The following LAPTM4B variants were observed in gnomAD, a reference collection of about 807,000 sequenced individuals.
LAPTM4B encodes the protein lysosomal protein transmembrane 4 beta, also known as lysosomal-associated transmembrane protein 4B.
LAPTM4B carries 26 observed loss-of-function variants against 28.5 expected under a neutral mutation model. The ratio of observed to expected loss-of-function variants is 0.91; its 90% CI spans 0.67 to 1.27. The LOEUF is 1.27. LAPTM4B is among the 50% of genes most tolerant of loss of function. LAPTM4B has a pLI of 0.00. For missense variants in LAPTM4B, 288 were observed against 285.8 expected (o/e 1.01, Z -0.06); for synonymous variants, 109 against 106.4 (o/e 1.02, Z -0.15).
intron 6 of LAPTM4B, among the ~76,000 whole-genome samples, chr8:97,827,318 C>A (rs751641623): frequency 2.4e-4 from 37 of 152,162 alleles, no homozygotes; most frequent in Non-Finnish European, 3.5e-4. Context: ...AGCCTCGTAC[C>A]CTGAGGGAAG....
intron 6 of LAPTM4B, among the ~76,000 whole-genome samples, chr8:97,839,975 T>C (rs1817321490): frequency 1.3e-5 from 2 of 152,168 alleles, no homozygotes; most frequent in African/African-American, 2.4e-5. Flanking sequence ...AGTCCCTGCA[T>C]CCCTCCTTTT....
At chr8:97,800,484 C>CTTTTTT (rs546425169) in intron 1 of LAPTM4B, among the ~76,000 whole-genome samples, 6 of 69,324 alleles carry the variant, frequency 8.7e-5, no homozygotes, top group African/African-American at 4.5e-4. Flanking sequence ...CCCTTGACCT[C>CTTTTTT]TTTTTTTTTT....
intron 3 of LAPTM4B, 25 bp from the exon 4 acceptor site, chr8:97,816,033 A>C (rs1452236161): frequency 2.6e-6 from 4 of 1,515,828 alleles, no homozygotes; most frequent in Non-Finnish European, 3.6e-6. Context: ...GAACACATTA[A>C]CTTTCTATTT....
chr8:97,846,940 C>A (rs1444684948), intron 6 of LAPTM4B, among the ~76,000 whole-genome samples: 2 of 152,084 alleles, frequency 1.3e-5, no homozygotes, highest in East Asian at 3.9e-4. Context: ...ATTTTGCAAC[C>A]TTTGATTTAT....
Position 97,815,365 on chromosome 8 carries a change from C to A in LAPTM4B, c.249C>A (p.Ile83=). 1.2e-6 allele frequency: 2 copies of A among 1,613,942 alleles called. No homozygotes were observed. The highest frequency in any genetic ancestry group is 1.3e-5 in the African/African-American group (1 of 75,002). The change falls in exon 3 of 7, where the codon ATC becomes ATA. Residue 83 remains isoleucine, a synonymous_variant. Coordinates refer to ENST00000521545, the MANE Select transcript of LAPTM4B (RefSeq NM_018407.6). ...CCATTGCGATTTCTCTTCTCATGAT[C>A]CTGATATGTGCTATGGCTACTTACG... ...CIAIAISLLM[I]LICAMATYGA...
At chr8:97,830,140 G>C (rs1005456867) in intron 6 of LAPTM4B, among the ~76,000 whole-genome samples, 1 of 152,192 alleles carries the variant, frequency 6.6e-6, no homozygotes, top group Non-Finnish European at 1.5e-5. Flanking sequence ...AGGAGGAAGA[G>C]AGGGAAATGC....
intron 1 of LAPTM4B, among the ~76,000 whole-genome samples, chr8:97,782,019 T>C (rs2129720236): frequency 6.6e-6 from 1 of 151,642 alleles, no homozygotes; most frequent in East Asian, 1.9e-4. Flanking sequence ...TAGCTCTTGT[T>C]GCCCAGGCTG....
At chr8:97,777,884 A>C (rs962624114) in intron 1 of LAPTM4B, among the ~76,000 whole-genome samples, 1 of 152,266 alleles carries the variant, frequency 6.6e-6, no homozygotes, top group African/African-American at 2.4e-5. Context: ...GTTTTATACA[A>C]GTGTCTGCCT....
At chr8:97,778,646 T>C (rs1816263429) in intron 1 of LAPTM4B, among the ~76,000 whole-genome samples, 1 of 152,198 alleles carries the variant, frequency 6.6e-6, no homozygotes, top group Non-Finnish European at 1.5e-5. Context: ...TGTCACCTTG[T>C]GATAGATTTA....
chr8:97,787,678 C>T (rs755088429), intron 1 of LAPTM4B, among the ~76,000 whole-genome samples: 20 of 152,156 alleles, frequency 1.3e-4, no homozygotes, highest in Non-Finnish European at 2.4e-4. Flanking sequence ...TAACTCCAGT[C>T]GTTTCTCTCT....
At chr8:97,836,461 G>A (rs982828551) in intron 6 of LAPTM4B, among the ~76,000 whole-genome samples, 5 of 152,216 alleles carry the variant, frequency 3.3e-5, no homozygotes, top group Admixed American at 3.3e-4. Flanking sequence ...GATTACAGGC[G>A]CGAGCTACTG....
intron 1 of LAPTM4B, among the ~76,000 whole-genome samples, chr8:97,800,221 T>G (rs1816649060): frequency 6.6e-6 from 1 of 152,134 alleles, no homozygotes; most frequent in Admixed American, 6.6e-5. Flanking sequence ...ATAAGCGGAT[T>G]AAGAGTTGAC....
chr8:97,789,859 G>A (rs891726272), intron 1 of LAPTM4B, among the ~76,000 whole-genome samples: 1 of 151,890 alleles, frequency 6.6e-6, no homozygotes, highest in Admixed American at 6.6e-5. Context: ...CTTCTGCCTC[G>A]TCACTCCCCA....
At chr8:97,824,586 A>G (rs1817064817) in intron 5 of LAPTM4B, among the ~76,000 whole-genome samples, 1 of 152,216 alleles carries the variant, frequency 6.6e-6, no homozygotes, top group Admixed American at 6.5e-5. Flanking sequence ...AGATAAATTT[A>G]TATGCTATGA....
chr8:97,839,478 C>G (rs1213112173), intron 6 of LAPTM4B, among the ~76,000 whole-genome samples: 1 of 152,210 alleles, frequency 6.6e-6, no homozygotes, highest in African/African-American at 2.4e-5. Context: ...CAGGCGTGAA[C>G]CACTGCGCCC....
At chr8:97,850,318 C>T (rs1235004618) in intron 6 of LAPTM4B, among the ~76,000 whole-genome samples, 1 of 151,828 alleles carries the variant, frequency 6.6e-6, no homozygotes, top group African/African-American at 2.4e-5. Flanking sequence ...GCCTAAGTGG[C>T]ACCTCCGTCA....
chr8:97,777,143 T>G (rs1426056627), intron 1 of LAPTM4B, among the ~76,000 whole-genome samples: 1 of 128,034 alleles, frequency 7.8e-6, no homozygotes, highest in Admixed American at 7.7e-5. Flanking sequence ...TGAGGTTTTT[T>G]TTTTTTTTTT....
At chr8:97,844,488 C>T (rs1470121278) in intron 6 of LAPTM4B, among the ~76,000 whole-genome samples, 1 of 152,148 alleles carries the variant, frequency 6.6e-6, no homozygotes, top group East Asian at 1.9e-4. Context: ...AACATGTTCC[C>T]ACCATCCTGA....
chr8:97,815,963 C>A, intron 3 of LAPTM4B, 95 bp from the exon 4 acceptor site: 1 of 1,236,582 alleles, frequency 8.1e-7, no homozygotes, highest in Non-Finnish European at 1.1e-6. Flanking sequence ...CCAATTTTTC[C>A]ATTTCCTTTC....
Sources: gnomAD v4.1 joint callset for allele counts (sites outside exome capture counted in the v4.1 genomes callset) on GRCh38, gnomAD v4.1.1 for gene constraint, MANE v1.5 for transcripts, NCBI Gene and HGNC (gene_info 2026-07-23, HGNC 2026-07-21) for gene names.